The following TBL1XR1 variants were observed in gnomAD, a reference collection of about 807,000 sequenced individuals.
The protein encoded by TBL1XR1 is F-box-like/WD repeat-containing protein TBL1XR1.
A neutral mutation model predicts 66.9 loss-of-function variants in TBL1XR1; 5 were observed. The ratio of observed to expected loss-of-function variants is 0.07; its 90% CI spans 0.04 to 0.16. The LOEUF is 0.16. Ranked by LOEUF, TBL1XR1 falls within the 10% of genes least tolerant of loss-of-function variation. TBL1XR1 has a pLI of 1.00. For missense variants in TBL1XR1, 238 were observed against 623.2 expected (o/e 0.38, Z 6.58); for synonymous variants, 210 against 206.0 (o/e 1.02, Z -0.17).
intron 1 of TBL1XR1, among the ~76,000 whole-genome samples, chr3:177,192,846 T>A (rs10936935): frequency 0.95 from 143,947 of 152,288 alleles, 68,200 homozygotes; most frequent in Admixed American, 0.98. Context: ...CCCCTTACAC[T>A]GATGAAGAAA....
chr3:177,028,785 TAAC>T (rs1317969183), intron 14 of TBL1XR1, among the ~76,000 whole-genome samples: 15 of 152,138 alleles, frequency 9.9e-5, no homozygotes, highest in South Asian at 2.1e-4. Context: ...TTTTGAAGAA[TAAC>T]AACAAGAGGG....
intron 1 of TBL1XR1, among the ~76,000 whole-genome samples, chr3:177,176,045 C>T (rs1292132982): frequency 4.2e-5 from 6 of 143,788 alleles, no homozygotes; most frequent in African/African-American, 1.3e-4. Context: ...GGCAACAGAG[C>T]GAGACTCTGT....
intron 1 of TBL1XR1, among the ~76,000 whole-genome samples, chr3:177,196,702 A>C (rs1411557951): frequency 6.7e-6 from 1 of 150,174 alleles, no homozygotes; most frequent in Non-Finnish European, 1.5e-5. Flanking sequence ...TGGCTCCTTG[A>C]TTCAATTTGC....
At chr3:177,173,842 TC>T (rs772611142) in intron 1 of TBL1XR1, among the ~76,000 whole-genome samples, 1 of 152,200 alleles carries the variant, frequency 6.6e-6, no homozygotes, top group Non-Finnish European at 1.5e-5. Context: ...TTTGCAACTT[TC>T]TGTAAATCTA....
intron 1 of TBL1XR1, among the ~76,000 whole-genome samples, chr3:177,122,684 T>C (rs1393156051): frequency 6.6e-6 from 1 of 152,090 alleles, no homozygotes; most frequent in East Asian, 1.9e-4. Flanking sequence ...TAGGGCTAAA[T>C]AAGGCAGTTG....
rs995420323 is a variant in TBL1XR1, at chr3:177,092,329, C to A, written c.-46+6137G>T. The stretch of plus-strand genomic sequence containing the variant: ...ATTAATCTTAATTCATTAGATGAAG[C>A]CTTTAGCTATAACCACCAATTTACA... On this transcript the variant is annotated intron_variant, in intron 2 of 15. Transcript: ENST00000457928. Among the ~76,000 whole-genome samples the A allele has an allele frequency of 2.0e-5, 3 of 152,100 alleles. No individual in the cohort carries two copies. In the Middle Eastern group the frequency reaches 0.01, roughly 517 times the overall value.
intron 3 of TBL1XR1, among the ~76,000 whole-genome samples, chr3:177,061,070 T>G (rs955730717): frequency 3.3e-5 from 5 of 152,104 alleles, no homozygotes; most frequent in African/African-American, 9.7e-5. Context: ...AGTGATAAAA[T>G]TGCAAAAAAT....
At position 177,022,413 on chromosome 3, in the gene TBL1XR1, G is replaced by GAC. The variant is rs906070701; in HGVS notation, c.*3084_*3085insGT. On this transcript the variant is annotated 3_prime_UTR_variant, in exon 16 of 16. Transcript: ENST00000457928. Reference sequence around the variant, plus strand: ...TTCTAAAAGTCATTTGAAAGTCAATGATGTTATCTGGTCAATGGCAGGAAA... The same window carrying GAC: ...TTCTAAAAGTCATTTGAAAGTCAATGACATGTTATCTGGTCAATGGCAGGAAA... The GAC allele has an allele frequency of 2.0e-5, 3 of 152,472 alleles. No individual in the cohort carries two copies. The highest frequency in any genetic ancestry group is 7.2e-5 in the African/African-American group (3 of 41,424). The allele number at this position is 152,472 out of a possible 1,614,324, so 9.4% of individuals were successfully genotyped here. A position where few individuals can be genotyped will look rare whatever the true frequency, so the allele number is the denominator to read the frequency against.
chr3:177,030,250 T>C (rs1489970961), intron 14 of TBL1XR1, among the ~76,000 whole-genome samples: 1 of 151,740 alleles, frequency 6.6e-6, no homozygotes, highest in Non-Finnish European at 1.5e-5. Context: ...AATCCCCCAA[T>C]AGGAAAATAA....
intron 1 of TBL1XR1, chr3:177,163,889 C>T (rs1051551987): frequency 1.3e-5 from 2 of 152,124 alleles, no homozygotes; most frequent in South Asian, 2.1e-4. Flanking sequence ...CAAAATGTAT[C>T]AATAGTTTAG....
intron 1 of TBL1XR1, among the ~76,000 whole-genome samples, chr3:177,170,399 A>G (rs1733316030): frequency 6.6e-6 from 1 of 151,748 alleles, no homozygotes; most frequent in East Asian, 1.9e-4. Context: ...CCACCCCTCC[A>G]CAACTCCATA....
chr3:177,071,969 G>A (rs1169805230), intron 2 of TBL1XR1, among the ~76,000 whole-genome samples: 1 of 152,132 alleles, frequency 6.6e-6, no homozygotes, highest in Non-Finnish European at 1.5e-5. Context: ...CATGGGCTGG[G>A]GAGAAGAGAA....
chr3:177,054,409 A>T (rs1717544351), intron 3 of TBL1XR1, among the ~76,000 whole-genome samples: 1 of 152,170 alleles, frequency 6.6e-6, no homozygotes, highest in Non-Finnish European at 1.5e-5. Flanking sequence ...AGTATTCAGC[A>T]TCTCTCAAAA....
chr3:177,082,398 A>G (rs1721507510), intron 2 of TBL1XR1, among the ~76,000 whole-genome samples: 2 of 152,044 alleles, frequency 1.3e-5, no homozygotes, highest in Admixed American at 1.3e-4. Context: ...AAATGAAATA[A>G]ATTTAAAAAT....
At chr3:177,059,226 T>C (rs775117487) in intron 3 of TBL1XR1, among the ~76,000 whole-genome samples, 1 of 152,208 alleles carries the variant, frequency 6.6e-6, no homozygotes, top group Non-Finnish European at 1.5e-5. Context: ...GTAATGTCTG[T>C]TCATAAATGG....
chr3:177,193,065 A>C (rs1736367372), intron 1 of TBL1XR1, among the ~76,000 whole-genome samples: 1 of 152,048 alleles, frequency 6.6e-6, no homozygotes, highest in Admixed American at 6.5e-5. Flanking sequence ...AGGCAGGAGA[A>C]TCACTTGAAC....
chr3:177,188,925 T>G (rs1278444607), intron 1 of TBL1XR1, among the ~76,000 whole-genome samples: 3 of 152,198 alleles, frequency 2.0e-5, no homozygotes, highest in Non-Finnish European at 4.4e-5. Flanking sequence ...TTAAAAATTT[T>G]GGGCGGGTGC....
intron 14 of TBL1XR1, among the ~76,000 whole-genome samples, chr3:177,030,670 A>T (rs187653079): frequency 1.3e-5 from 2 of 152,368 alleles, no homozygotes; most frequent in African/African-American, 4.8e-5. Context: ...CAGTAGATAT[A>T]TGAGTGTTAT....
upstream of TBL1XR1, among the ~76,000 whole-genome samples, chr3:177,198,224 C>T (rs999214718): frequency 2.0e-5 from 3 of 152,140 alleles, no homozygotes; most frequent in Non-Finnish European, 4.4e-5. Flanking sequence ...AAAACACGCA[C>T]ACAAGAAAAG....
Sources: gnomAD v4.1 joint callset for allele counts (sites outside exome capture counted in the v4.1 genomes callset) on GRCh38, gnomAD v4.1.1 for gene constraint, MANE v1.5 for transcripts, NCBI Gene and HGNC (gene_info 2026-07-23, HGNC 2026-07-21) for gene names.